Variants in MEGF10 observed in about 807,000 individuals in gnomAD.
MEGF10 encodes the protein multiple EGF like domains 10, also known as multiple epidermal growth factor-like domains protein 10.
A neutral mutation model predicts 147.5 loss-of-function variants in MEGF10; 86 were observed. The ratio of observed to expected loss-of-function variants is 0.58; its 90% CI spans 0.49 to 0.70. The LOEUF is 0.70. MEGF10 is among the 30% of genes least tolerant of loss of function. The pLI is 0.00. For missense variants in MEGF10, 1,329 were observed against 1,487.3 expected, an observed-to-expected ratio of 0.89 and a Z score of 1.75; for synonymous variants, 478 against 525.5, an observed-to-expected ratio of 0.91 and a Z score of 1.24.
chr5:127,253,678 A>T, the MEGF10 span, among the ~76,000 whole-genome samples: 1 of 152,064 alleles, frequency 6.6e-6, no homozygotes, highest in Non-Finnish European at 1.5e-5. Flanking sequence ...TATCATATGT[A>T]TATAATGGAA....
chr5:127,256,080 C>A, the MEGF10 span, among the ~76,000 whole-genome samples: 3 of 152,164 alleles, frequency 2.0e-5, no homozygotes, highest in African/African-American at 7.2e-5. Context: ...CCATGACTGC[C>A]CTAACCAAAG....
Position 127,447,690 on chromosome 5 carries a change from A to G in MEGF10, c.2856+6A>G, listed in dbSNP as rs1199955295. On this transcript the variant is annotated splice_donor_region_variant and intron_variant, in intron 21 of 24. Transcript: ENST00000503335. Reference sequence around the variant, plus strand: ...ACAGGATGACTGTCACGAAGGTGAGAGGAATTGGTTCAAGTCTTTGGAAGT... The same window carrying G: ...ACAGGATGACTGTCACGAAGGTGAGGGGAATTGGTTCAAGTCTTTGGAAGT... The G allele has an allele frequency of 1.9e-6, 3 of 1,614,044 alleles. No individual in the cohort carries two copies. The highest frequency in any genetic ancestry group is 1.7e-5 in the Admixed American group (1 of 60,014).
chr5:127,380,599 C>G (rs1186054028), intron 5 of MEGF10, among the ~76,000 whole-genome samples: 1 of 151,694 alleles, frequency 6.6e-6, no homozygotes, highest in African/African-American at 2.4e-5. Flanking sequence ...CTCACTGCAA[C>G]CCCCGCCTCC....
chr5:127,251,615 G>A, the MEGF10 span, among the ~76,000 whole-genome samples: 1 of 151,916 alleles, frequency 6.6e-6, no homozygotes, highest in Non-Finnish European at 1.5e-5. Flanking sequence ...ATACAGTTAG[G>A]GGTGATTGGT....
chr5:127,299,450 T>C (rs1339999927), intron 1 of MEGF10, among the ~76,000 whole-genome samples: 3 of 152,180 alleles, frequency 2.0e-5, no homozygotes, highest in Non-Finnish European at 4.4e-5. Flanking sequence ...CACCCCTAAC[T>C]TTCAAACTGG....
chr5:127,240,367 C>G, the MEGF10 span, among the ~76,000 whole-genome samples: 2 of 152,174 alleles, frequency 1.3e-5, no homozygotes, highest in African/African-American at 2.4e-5. Flanking sequence ...TTGGCTGATG[C>G]CTTCCTCTAG....
the MEGF10 span, among the ~76,000 whole-genome samples, chr5:127,270,264 T>C: frequency 6.6e-6 from 1 of 152,080 alleles, no homozygotes; most frequent in Non-Finnish European, 1.5e-5. Flanking sequence ...GGCTAAATGC[T>C]CCAATTAAAA....
the MEGF10 span, among the ~76,000 whole-genome samples, chr5:127,258,851 A>G: frequency 5.3e-5 from 8 of 152,156 alleles, no homozygotes; most frequent in African/African-American, 9.7e-5. Context: ...AGCCTCCAGA[A>G]CTTTGAGAAA....
At chr5:127,416,901 T>C (rs1764798484) in intron 9 of MEGF10, among the ~76,000 whole-genome samples, 1 of 152,198 alleles carries the variant, frequency 6.6e-6, no homozygotes, top group South Asian at 2.1e-4. Flanking sequence ...AGCAAATGTA[T>C]GGATATGACA....
intron 19 of MEGF10, among the ~76,000 whole-genome samples, chr5:127,444,220 T>C (rs1158422193): frequency 6.6e-6 from 1 of 152,238 alleles, no homozygotes; most frequent in African/African-American, 2.4e-5. Flanking sequence ...TAAAAGGCTT[T>C]AGAAAATTGA....
intron 21 of MEGF10, 101 bp downstream of exon 21, chr5:127,447,785 C>T (rs1766006145): frequency 7.1e-7 from 1 of 1,399,982 alleles, no homozygotes; most frequent in Admixed American, 2.1e-5. Context: ...GTTCTAGGTA[C>T]TTTACATATA....
upstream of MEGF10, among the ~76,000 whole-genome samples, chr5:127,289,698 C>T (rs367687693): frequency 6.6e-6 from 1 of 152,194 alleles, no homozygotes; most frequent in Non-Finnish European, 1.5e-5. Context: ...TTCATTTATT[C>T]ACTCAAACAT....
intron 1 of MEGF10, among the ~76,000 whole-genome samples, chr5:127,303,743 A>G (rs1759883531): frequency 6.6e-6 from 1 of 152,196 alleles, no homozygotes. Context: ...ATGTATTAGA[A>G]TGTAGTGGGG....
At chr5:127,376,929 T>A (rs779529477) in intron 5 of MEGF10, among the ~76,000 whole-genome samples, 14 of 152,200 alleles carry the variant, frequency 9.2e-5, no homozygotes, top group Non-Finnish European at 1.9e-4. Context: ...GGAAAACAGG[T>A]TTACTGAAAG....
the MEGF10 span, among the ~76,000 whole-genome samples, chr5:127,246,644 C>T: frequency 6.7e-6 from 1 of 149,858 alleles, no homozygotes; most frequent in Non-Finnish European, 1.5e-5. Flanking sequence ...AGATTTAAGT[C>T]TAAAGAGTAG....
chr5:127,269,251 G>A, the MEGF10 span, among the ~76,000 whole-genome samples: 4 of 152,350 alleles, frequency 2.6e-5, no homozygotes, highest in South Asian at 2.1e-4. Context: ...TGATTTTGAC[G>A]AGTTGAAAGA....
intron 1 of MEGF10, among the ~76,000 whole-genome samples, chr5:127,317,316 T>G (rs1214965059): frequency 6.6e-6 from 1 of 152,220 alleles, no homozygotes; most frequent in Non-Finnish European, 1.5e-5. Flanking sequence ...CAGAAGCTCT[T>G]TAGTTTAATT....
In MEGF10 at chr5:127,460,793, T is replaced by C. The variant is rs1766533103; in HGVS notation, c.*3475T>C. The stretch of plus-strand genomic sequence containing the variant: ...TTTCTATCTCTAGGCAACATGTCTT[T>C]ATTATTCAAGCTGAATGTTTAAGAG... On this transcript the variant is annotated 3_prime_UTR_variant, in exon 25 of 25. Coordinates refer to ENST00000503335, the MANE Select transcript of MEGF10 (RefSeq NM_001256545.2). 1 of 151,974 alleles carries C rather than the reference T, an allele frequency of 6.6e-6. No individual in the cohort carries two copies. The highest frequency in any genetic ancestry group is 2.4e-5 in the African/African-American group (1 of 41,398). The allele number at this position is 151,974 out of a possible 1,614,324, so 9.4% of individuals were successfully genotyped here. A position where few individuals can be genotyped will look rare whatever the true frequency, so the allele number is the denominator to read the frequency against.
At position 127,457,308 on chromosome 5, in the gene MEGF10, G is replaced by A; in HGVS notation, c.3413G>A (p.Ser1138Asn). The change falls in exon 25 of 25, where the codon AGC becomes AAC. Residue 1138 changes from serine to asparagine, a missense_variant. Physicochemically the swap from Ser to Asn is conservative, Grantham distance 46. This residue lies in a region of MEGF10 where 343 missense variants were observed against 377.9 expected (regional missense o/e 0.91). Transcript: ENST00000503335. ...GGTAGCAGCAGCAACAGCAGCAGCA[G>A]CAGTGAATGACACCAAAGGACCGCT... ...SGGSSSNSSS[S>N]SE is the part of the protein sequence containing the mutation. 1 of 1,613,332 alleles carries A rather than the reference G, an allele frequency of 6.2e-7. No individual in the cohort carries two copies. Among genetic ancestry groups the A allele is most frequent in the Non-Finnish European group, 8.5e-7 (1 of 1,179,850 alleles).
Sources: gnomAD v4.1 joint callset for allele counts (sites outside exome capture counted in the v4.1 genomes callset) on GRCh38, gnomAD v4.1.1 for gene constraint, gnomAD v4.1.1 regional missense constraint, MANE v1.5 for transcripts, NCBI Gene and HGNC (gene_info 2026-07-23, HGNC 2026-07-21) for gene names.